Variants in GM2A observed in about 807,000 individuals in gnomAD.
GM2A encodes the protein GM2 ganglioside activator.
GM2A carries 7 observed loss-of-function variants against 12.9 expected under a neutral mutation model. The observed-to-expected ratio is 0.54, with a 90% CI of 0.31 to 1.02. The LOEUF is 1.02. Ranked by LOEUF, GM2A falls within the 50% of genes least tolerant of loss-of-function variation. The probability of loss-of-function intolerance (pLI) is 0.05; values close to 1 mark genes in which losing one functional copy is unlikely to be tolerated. For missense variants in GM2A, 246 were observed against 241.0 expected (o/e 1.02, Z -0.14); for synonymous variants, 101 against 96.0 (o/e 1.05, Z -0.30).
intron 2 of GM2A, 94 bp from the exon 3 acceptor site, chr5:151,266,637 T>A: frequency 1.1e-6 from 1 of 893,806 alleles, no homozygotes; most frequent in Non-Finnish European, 1.8e-6. Context: ...TAAAATATAT[T>A]GCTGCTTTTT....
At chr5:151,254,137 C>A (rs1487094092) in intron 1 of GM2A, among the ~76,000 whole-genome samples, 1 of 152,098 alleles carries the variant, frequency 6.6e-6, no homozygotes, top group African/African-American at 2.4e-5. Context: ...TGGATAATTT[C>A]TTTATCCATC....
intron 2 of GM2A, among the ~76,000 whole-genome samples, 184 bp from the exon 3 acceptor site, chr5:151,266,547 A>C (rs1006815036): frequency 2.6e-5 from 4 of 152,162 alleles, no homozygotes; most frequent in African/African-American, 9.7e-5. Flanking sequence ...ATAATACACT[A>C]TACTCACACA....
chr5:151,258,311 A>G (rs571208032), intron 1 of GM2A, among the ~76,000 whole-genome samples: 1 of 152,354 alleles, frequency 6.6e-6, no homozygotes, highest in South Asian at 2.1e-4. Flanking sequence ...AGCTTTACAT[A>G]CACGCTCTCG....
At chr5:151,255,723 G>C (rs1436578908) in intron 1 of GM2A, among the ~76,000 whole-genome samples, 1 of 152,236 alleles carries the variant, frequency 6.6e-6, no homozygotes, top group Admixed American at 6.5e-5. Flanking sequence ...TTTGCTTGTT[G>C]AATGAAGGAA....
intron 3 of GM2A, 184 bp from the exon 4 acceptor site, chr5:151,267,112 T>C (rs1753902100): frequency 1.1e-6 from 1 of 875,270 alleles, no homozygotes. Flanking sequence ...AGATGTGATC[T>C]TCAGGGCCCT....
chr5:151,266,217 G>A (rs1270472657), intron 2 of GM2A, among the ~76,000 whole-genome samples: 6 of 152,136 alleles, frequency 3.9e-5, no homozygotes, highest in African/African-American at 1.2e-4. Flanking sequence ...GATGGCTCAC[G>A]CCTGTAATCC....
chr5:151,259,644 G>T (rs1438651119), intron 1 of GM2A, 111 bp from the exon 2 acceptor site: 4 of 893,154 alleles, frequency 4.5e-6, no homozygotes, highest in Non-Finnish European at 7.3e-6. Flanking sequence ...AGGGACGGGG[G>T]TGCCTCACCC....
At chr5:151,261,237 C>G (rs1325414662) in intron 2 of GM2A, among the ~76,000 whole-genome samples, 5 of 152,134 alleles carry the variant, frequency 3.3e-5, no homozygotes, top group Non-Finnish European at 7.3e-5. Flanking sequence ...GTTGCCCAGG[C>G]TGGTCTCAAA....
chr5:151,265,904 T>G (rs1376610574), intron 2 of GM2A, among the ~76,000 whole-genome samples: 1 of 152,206 alleles, frequency 6.6e-6, no homozygotes, highest in African/African-American at 2.4e-5. Context: ...AGTCTCAAGG[T>G]GATCTTTCTA....
chr5:151,256,117 T>C (rs538749692), intron 1 of GM2A, among the ~76,000 whole-genome samples: 1 of 152,258 alleles, frequency 6.6e-6, no homozygotes, highest in East Asian at 1.9e-4. Flanking sequence ...ACTGATCTTG[T>C]GACTACAGGC....
At chr5:151,263,569 T>A (rs1217339234) in intron 2 of GM2A, among the ~76,000 whole-genome samples, 1 of 152,144 alleles carries the variant, frequency 6.6e-6, no homozygotes, top group Non-Finnish European at 1.5e-5. Context: ...TGGACAAGGC[T>A]GGTATGTTTA....
chr5:151,267,696 G>T lies in GM2A; in HGVS notation c.*245G>T, dbSNP rs542291291. 2 of 1,437,386 alleles carry T rather than the reference G, an allele frequency of 1.4e-6. No individual in the cohort carries two copies. Among genetic ancestry groups the T allele is most frequent in the African/African-American group, 2.8e-5 (2 of 70,640 alleles). The allele number at this position is 1,437,386 out of a possible 1,614,324, so 89.0% of individuals were successfully genotyped here. A position where few individuals can be genotyped will look rare whatever the true frequency, so the allele number is the denominator to read the frequency against. On this transcript the variant is annotated 3_prime_UTR_variant, in exon 4 of 4. Transcript: ENST00000357164. ...CCAGGGCATCTGCTGGGCTGACCACGTTACTCATCCCCGTTAACATTCTCT... is the reference window on the plus strand; with the variant it reads ...CCAGGGCATCTGCTGGGCTGACCACTTTACTCATCCCCGTTAACATTCTCT...
Position 151,267,380 on chromosome 5 carries a change from G to C in GM2A, c.511G>C (p.Glu171Gln). ...SWLTTGNYRI[E>Q]SVLSSSGKRL... ...GCTCACCACCGGGAACTACCGCATA[G>C]AGAGCGTCCTGAGCAGCAGTGGGAA... Residue 171 changes from glutamate (E) to glutamine (Q), a missense_variant, in exon 4 of 4, where the codon GAG becomes CAG. Glu to Gln is a conservative substitution (Grantham distance 29, BLOSUM62 2). Coordinates refer to ENST00000357164, the MANE Select transcript of GM2A (RefSeq NM_000405.5). 1.2e-6 allele frequency: 2 copies of C among 1,614,200 alleles called. No homozygotes were observed. Among genetic ancestry groups the C allele is most frequent in the African/African-American group, 1.3e-5 (1 of 75,046 alleles).
In GM2A at chr5:151,257,197, C is replaced by A. The variant is rs564833042; in HGVS notation, c.82-2558C>A. 1.1e-4 allele frequency among the ~76,000 whole-genome samples: 17 copies of A among 152,238 alleles called. No homozygotes were observed. In the South Asian group the frequency reaches 3.3e-3, roughly 30 times the overall value. On this transcript the variant is annotated intron_variant, in intron 1 of 3. Transcript: ENST00000357164. ...TGGCCTAGGCTGGAATGGCAGATAT[C>A]TGGTGACCAGCCTGGCCTTGGTGGG...
In GM2A at chr5:151,269,391, G is replaced by A. The variant is rs1445366358; in HGVS notation, c.*1940G>A. 1 of 985,308 alleles carries A rather than the reference G, an allele frequency of 1.0e-6. No homozygotes were observed. Among genetic ancestry groups the A allele is most frequent in the African/African-American group, 1.7e-5 (1 of 57,232 alleles). 61.0% of individuals were successfully genotyped at this position (985,308 alleles called of 1,614,324 possible). A position where few individuals can be genotyped will look rare whatever the true frequency, so the allele number is the denominator to read the frequency against. ...TCCAGGGACGGACCCTTCTGCAGGAGCTTGAGCTTGCTTGTTGTCTCTGCT... is the reference window on the plus strand; with the variant it reads ...TCCAGGGACGGACCCTTCTGCAGGAACTTGAGCTTGCTTGTTGTCTCTGCT... On this transcript the variant is annotated 3_prime_UTR_variant, in exon 4 of 4. Transcript: ENST00000357164.
intron 2 of GM2A, among the ~76,000 whole-genome samples, chr5:151,260,175 G>A (rs914502861): frequency 1.1e-4 from 17 of 152,320 alleles, no homozygotes; most frequent in Non-Finnish European, 5.9e-5. Context: ...TGGCAGAAGC[G>A]TCCTGGCCTT....
intron 2 of GM2A, among the ~76,000 whole-genome samples, chr5:151,265,684 A>C (rs1753871045): frequency 6.6e-6 from 1 of 152,214 alleles, no homozygotes; most frequent in Admixed American, 6.5e-5. Context: ...GATGTCCACC[A>C]TGAAATTTGG....
intron 1 of GM2A, among the ~76,000 whole-genome samples, chr5:151,256,147 CAG>C (rs1027980884): frequency 7.2e-5 from 11 of 152,070 alleles, no homozygotes; most frequent in African/African-American, 2.7e-4. Flanking sequence ...TGTTAGATAA[CAG>C]GGGAGGATAT....
In GM2A at chr5:151,268,311, C is replaced by T. The variant is rs368971605; in HGVS notation, c.*860C>T. The T allele has an allele frequency of 3.1e-4, 122 of 392,292 alleles. No individual in the cohort carries two copies. The highest frequency in any genetic ancestry group is 6.3e-4 in the African/African-American group (29 of 45,960). The allele number at this position is 392,292 out of a possible 1,614,324, so 24.3% of individuals were successfully genotyped here. A position where few individuals can be genotyped will look rare whatever the true frequency, so the allele number is the denominator to read the frequency against. On this transcript the variant is annotated 3_prime_UTR_variant, in exon 4 of 4. Coordinates refer to ENST00000357164, the MANE Select transcript of GM2A (RefSeq NM_000405.5). ...GCTTGGACTACAGGCCCTGCCACCA[C>T]GCCCGGCTAATTTGTGTATTTTTAG...
Sources: allele counts gnomAD v4.1 joint callset (sites outside exome capture counted in the v4.1 genomes callset), GRCh38; gene constraint gnomAD v4.1.1; transcripts MANE v1.5; gene names NCBI Gene and HGNC (gene_info 2026-07-23, HGNC 2026-07-21).